Variants in RAB3GAP2 observed in about 807,000 individuals in gnomAD.
RAB3GAP2 encodes the protein rab3 GTPase-activating protein non-catalytic subunit.
In RAB3GAP2, 87 loss-of-function variants were observed where a neutral mutation model predicts 185.3. The ratio of observed to expected loss-of-function variants is 0.47; its 90% CI spans 0.39 to 0.56. The LOEUF is 0.56. RAB3GAP2 is among the 20% of genes least tolerant of loss of function. RAB3GAP2 has a pLI of 0.00. For synonymous variants in RAB3GAP2, 554 were observed against 576.1 expected (o/e 0.96, Z 0.55); for missense variants, 1,492 against 1,638.2 (o/e 0.91, Z 1.54).
At chr1:220,190,598 G>A in intron 14 of RAB3GAP2, 78 bp from the exon 15 acceptor site, 1 of 1,413,012 alleles carries the variant, frequency 7.1e-7, no homozygotes, top group South Asian at 1.2e-5. Flanking sequence ...TTATAGCTAG[G>A]AAACCCAACA....
At chr1:220,152,974 T>C (rs1421427631) in intron 33 of RAB3GAP2, among the ~76,000 whole-genome samples, 3 of 152,228 alleles carry the variant, frequency 2.0e-5, no homozygotes, top group Non-Finnish European at 2.9e-5. Flanking sequence ...TTTACTGCTA[T>C]ATCCCTGTGC....
chr1:220,171,217 A>C, intron 23 of RAB3GAP2, 97 bp from the exon 24 acceptor site: 6 of 1,057,922 alleles, frequency 5.7e-6, no homozygotes, highest in Non-Finnish European at 8.7e-6. Context: ...TACTGAGGAT[A>C]CATCACAAAG....
chr1:220,209,697 C>T (rs967693096), intron 7 of RAB3GAP2, among the ~76,000 whole-genome samples: 2 of 151,922 alleles, frequency 1.3e-5, no homozygotes, highest in African/African-American at 4.8e-5. Flanking sequence ...CAAATGCATA[C>T]AGTATATACA....
intron 1 of RAB3GAP2, among the ~76,000 whole-genome samples, chr1:220,235,134 T>C (rs1008338461): frequency 3.3e-5 from 5 of 152,070 alleles, no homozygotes; most frequent in South Asian, 4.1e-4. Context: ...TCATGAAGGG[T>C]AAGATTAGGG....
Position 220,248,947 on chromosome 1 carries a change from G to A in RAB3GAP2, c.116-16084C>T, listed in dbSNP as rs577449404. 1.1e-4 allele frequency among the ~76,000 whole-genome samples: 17 copies of A among 152,292 alleles called. No individual in the cohort carries two copies. The South Asian group carries it at 3.3e-3, about 30-fold the overall frequency. On this transcript the variant is annotated intron_variant, in intron 1 of 34. Transcript: ENST00000358951. ...CCTTCTGCCATGACTGTAATTTCCT[G>A]AGGCCTCCCCAGCCAGGCTCAACTG...
intron 17 of RAB3GAP2, among the ~76,000 whole-genome samples, chr1:220,187,898 T>C (rs1432675894): frequency 6.6e-6 from 1 of 152,104 alleles, no homozygotes; most frequent in Non-Finnish European, 1.5e-5. Context: ...CCCTAATTTA[T>C]AGCTAGACAG....
chr1:220,246,952 G>A (rs1294429463), intron 1 of RAB3GAP2, among the ~76,000 whole-genome samples: 1 of 152,052 alleles, frequency 6.6e-6, no homozygotes, highest in Non-Finnish European at 1.5e-5. Flanking sequence ...CAAAGCACAT[G>A]AACAGATATT....
intron 19 of RAB3GAP2, 50 bp downstream of exon 19, chr1:220,183,986 A>G: frequency 7.3e-7 from 1 of 1,376,056 alleles, no homozygotes; most frequent in Admixed American, 2.5e-5. Flanking sequence ...TAAAAAGTAA[A>G]ACTAATCAAA....
rs1005783639 is a variant in RAB3GAP2, at chr1:220,193,164, T to C, written c.1270+76A>G. The C allele has an allele frequency of 1.1e-5, 17 of 1,551,742 alleles. No individual in the cohort carries two copies. The African/African-American group carries it at 2.3e-4, about 21-fold the overall frequency. On this transcript the variant is annotated intron_variant, in intron 13 of 34. Transcript: ENST00000358951. The stretch of plus-strand genomic sequence containing the variant: ...TTAAACAGAGTTATCATCCAGAAGC[T>C]GAAGGATGATAACATTGCTCAACTA...
At chr1:220,210,073 G>T (rs576580256) in intron 7 of RAB3GAP2, among the ~76,000 whole-genome samples, 2 of 152,148 alleles carry the variant, frequency 1.3e-5, no homozygotes, top group South Asian at 4.2e-4. Flanking sequence ...AATAAAACAA[G>T]ATATAAGGTT....
At chr1:220,191,347 G>A (rs1658616218) in intron 13 of RAB3GAP2, 63 bp from the exon 14 acceptor site, 3 of 503,810 alleles carry the variant, frequency 6.0e-6, no homozygotes, top group Non-Finnish European at 6.7e-6. Flanking sequence ...GCCTCCTGAA[G>A]TACTCTGGAA....
intron 2 of RAB3GAP2, among the ~76,000 whole-genome samples, chr1:220,224,296 T>C (rs1202104106): frequency 6.6e-6 from 1 of 152,126 alleles, no homozygotes; most frequent in South Asian, 2.1e-4. Context: ...ATTATGACAC[T>C]ATGTGCCAAC....
chr1:220,228,561 T>G (rs888536180), intron 2 of RAB3GAP2, among the ~76,000 whole-genome samples: 6 of 152,182 alleles, frequency 3.9e-5, no homozygotes, highest in African/African-American at 1.4e-4. Context: ...CAAAGATGTC[T>G]TTTAAGGAAA....
Position 220,232,808 on chromosome 1 carries a change from T to A in RAB3GAP2, c.171A>T (p.Pro57=), listed in dbSNP as rs1460422469. ...ATTTGTAAAGACTTACAGGTTCTTG[T>A]GGTTCATTTTCTTCCCATGCTCCCC... ...DGWGAWEENE[P]QEPEEEGNTC... Residue 57 remains proline (P), a synonymous_variant, in exon 2 of 35, where the codon CCA becomes CCT. Transcript: ENST00000358951. The A allele has an allele frequency of 6.2e-7, 1 of 1,613,320 alleles. No individual in the cohort carries two copies. The highest frequency in any genetic ancestry group is 1.3e-5 in the African/African-American group (1 of 74,902).
intron 1 of RAB3GAP2, among the ~76,000 whole-genome samples, chr1:220,245,998 C>T (rs191373550): frequency 6.6e-6 from 1 of 152,120 alleles, no homozygotes; most frequent in African/African-American, 2.4e-5. Flanking sequence ...AAAGGACATC[C>T]ACACCGAAAA....
chr1:220,214,131 G>T, intron 2 of RAB3GAP2, 152 bp from the exon 3 acceptor site: 2 of 773,042 alleles, frequency 2.6e-6, no homozygotes, highest in Non-Finnish European at 4.2e-6. Context: ...ATCAAAACAT[G>T]CCAAAGATGG....
At chr1:220,193,196 T>C (rs766786995) in intron 13 of RAB3GAP2, 44 bp downstream of exon 13, 5 of 1,608,326 alleles carry the variant, frequency 3.1e-6, no homozygotes, top group Non-Finnish European at 4.3e-6. Context: ...ACTATTGGGG[T>C]AAAAAGTGAA....
Position 220,162,193 on chromosome 1 carries a change from C to G in RAB3GAP2, c.3225+5G>C. ...ATAAGAAGTCAATACATGAAACTAC[C>G]TTACCTTATCCATTAAGTATGTAGC... is the stretch of plus-strand genomic sequence containing the variant. On this transcript the variant is annotated splice_donor_5th_base_variant and intron_variant, in intron 28 of 34. Coordinates refer to ENST00000358951, the MANE Select transcript of RAB3GAP2 (RefSeq NM_012414.4). 1 of 1,546,866 alleles carries G rather than the reference C, an allele frequency of 6.5e-7. No individual in the cohort carries two copies. The highest frequency in any genetic ancestry group is 8.9e-7 in the Non-Finnish European group (1 of 1,119,338).
chr1:220,224,081 C>T (rs1659361386), intron 2 of RAB3GAP2, among the ~76,000 whole-genome samples: 1 of 148,780 alleles, frequency 6.7e-6, no homozygotes, highest in African/African-American at 2.5e-5. Flanking sequence ...GGCTAGCTAA[C>T]ATTTATTGAG....
Sources: gnomAD v4.1 joint callset for allele counts (sites outside exome capture counted in the v4.1 genomes callset) on GRCh38, gnomAD v4.1.1 for gene constraint, MANE v1.5 for transcripts, NCBI Gene and HGNC (gene_info 2026-07-23, HGNC 2026-07-21) for gene names.